Variants in SGCZ observed in about 807,000 individuals in gnomAD.
SGCZ encodes the protein sarcoglycan zeta.
SGCZ carries 40 observed loss-of-function variants against 41.3 expected under a neutral mutation model. The observed-to-expected ratio is 0.97, with a 90% CI of 0.75 to 1.26. SGCZ has a LOEUF of 1.26. Among genes scored for constraint, SGCZ ranks in the 50% most tolerant of loss-of-function variants. The pLI, the probability that SGCZ is intolerant of heterozygous loss-of-function variation, is 0.00. For synonymous variants in SGCZ, 206 were observed against 137.5 expected (o/e 1.50, Z -3.49); for missense variants, 552 against 369.8 (o/e 1.49, Z -4.04).
chr8:14,829,608 T>A (rs1265918408), intron 1 of SGCZ, among the ~76,000 whole-genome samples: 2 of 152,306 alleles, frequency 1.3e-5, no homozygotes, highest in Non-Finnish European at 2.9e-5. Context: ...TAAACTGAGA[T>A]AATTTCCAAT....
intron 4 of SGCZ, among the ~76,000 whole-genome samples, chr8:14,231,471 C>A (rs1396390713): frequency 6.6e-6 from 1 of 151,920 alleles, no homozygotes; most frequent in Non-Finnish European, 1.5e-5. Context: ...CCTCAATTGA[C>A]CAATGGCAAA....
chr8:14,203,412 G>C (rs1805519732), intron 4 of SGCZ, among the ~76,000 whole-genome samples: 1 of 152,120 alleles, frequency 6.6e-6, no homozygotes, highest in South Asian at 2.1e-4. Context: ...ATGTTTTTAT[G>C]TTTTTAATAC....
chr8:14,270,956 C>G (rs1056499119), intron 3 of SGCZ, among the ~76,000 whole-genome samples: 10 of 152,110 alleles, frequency 6.6e-5, no homozygotes, highest in African/African-American at 2.4e-4. Context: ...GACAAAAAAC[C>G]AAACACCACA....
At chr8:14,662,260 TGACA>T (rs1451284796) in intron 1 of SGCZ, among the ~76,000 whole-genome samples, 2 of 152,226 alleles carry the variant, frequency 1.3e-5, no homozygotes, top group Non-Finnish European at 2.9e-5. Context: ...ATTCTGAGGT[TGACA>T]GACTTTGGAT....
At chr8:15,122,236 T>G (rs918316011) in intron 1 of SGCZ, among the ~76,000 whole-genome samples, 15 of 151,936 alleles carry the variant, frequency 9.9e-5, no homozygotes, top group African/African-American at 3.6e-4. Flanking sequence ...TTCCAAGTAG[T>G]GAAGTCAAGA....
chr8:14,401,835 T>C (rs1401269239), intron 2 of SGCZ, among the ~76,000 whole-genome samples: 1 of 150,890 alleles, frequency 6.6e-6, no homozygotes, highest in Admixed American at 6.6e-5. Flanking sequence ...ATGGTATTTC[T>C]AGTTCTAGAT....
intron 1 of SGCZ, among the ~76,000 whole-genome samples, chr8:15,163,375 C>G (rs1257195115): frequency 6.6e-6 from 1 of 152,170 alleles, no homozygotes. Context: ...TTCAGGCTGT[C>G]TTGATTAGAA....
chr8:14,781,797 A>G (rs1439650486), intron 1 of SGCZ, among the ~76,000 whole-genome samples: 1 of 152,168 alleles, frequency 6.6e-6, no homozygotes, highest in Non-Finnish European at 1.5e-5. Flanking sequence ...TGCCTACAAC[A>G]CTTACATTAA....
At chr8:15,047,575 T>G (rs1341458603) in intron 1 of SGCZ, among the ~76,000 whole-genome samples, 3 of 151,962 alleles carry the variant, frequency 2.0e-5, no homozygotes, top group Non-Finnish European at 4.4e-5. Flanking sequence ...GAGTTTGAAT[T>G]TCCCTCAACT....
At chr8:14,384,925 C>G (rs977456993) in intron 2 of SGCZ, among the ~76,000 whole-genome samples, 3 of 152,212 alleles carry the variant, frequency 2.0e-5, no homozygotes, top group African/African-American at 7.2e-5. Flanking sequence ...GCAGTCCTAA[C>G]TGAAAATGTT....
At chr8:14,146,905 T>C (rs904978158) in intron 5 of SGCZ, among the ~76,000 whole-genome samples, 1 of 146,364 alleles carries the variant, frequency 6.8e-6, no homozygotes, top group Non-Finnish European at 1.5e-5. Context: ...ATAATAATAA[T>C]AACTACAGCA....
intron 3 of SGCZ, among the ~76,000 whole-genome samples, chr8:14,282,641 C>T (rs1800485110): frequency 6.6e-6 from 1 of 152,118 alleles, no homozygotes; most frequent in African/African-American, 2.4e-5. Flanking sequence ...CTTTCAGAAT[C>T]ACAAACTGAA....
intron 4 of SGCZ, among the ~76,000 whole-genome samples, chr8:14,227,078 C>T (rs1051199641): frequency 1.3e-5 from 2 of 151,840 alleles, no homozygotes; most frequent in African/African-American, 2.4e-5. Context: ...GCAATCAGCC[C>T]GCAAGTGAGA....
intron 1 of SGCZ, among the ~76,000 whole-genome samples, chr8:14,803,269 G>A (rs539833354): frequency 1.2e-4 from 19 of 152,250 alleles, no homozygotes; most frequent in African/African-American, 3.8e-4. Context: ...AGCTCCCAGC[G>A]TGAGCGACGC....
chr8:15,023,746 T>A (rs1016732928), intron 1 of SGCZ, among the ~76,000 whole-genome samples: 4 of 152,174 alleles, frequency 2.6e-5, no homozygotes, highest in East Asian at 1.9e-4. Flanking sequence ...CAATAGAGTA[T>A]TGAATAGTGG....
intron 1 of SGCZ, among the ~76,000 whole-genome samples, chr8:15,111,649 C>T (rs576019347): frequency 6.6e-5 from 10 of 152,128 alleles, no homozygotes; most frequent in African/African-American, 2.4e-4. Flanking sequence ...CGCCTGTAAT[C>T]GCAGCACTTT....
At chr8:14,846,025 G>T (rs895300251) in intron 1 of SGCZ, among the ~76,000 whole-genome samples, 2 of 152,026 alleles carry the variant, frequency 1.3e-5, no homozygotes, top group Non-Finnish European at 2.9e-5. Context: ...CAACCACAGG[G>T]TTTCAAATAC....
intron 1 of SGCZ, among the ~76,000 whole-genome samples, chr8:14,931,022 G>T (rs1185067881): frequency 6.6e-6 from 1 of 151,938 alleles, no homozygotes; most frequent in African/African-American, 2.4e-5. Flanking sequence ...ATTAAAAAAT[G>T]TAATTTGTTT....
At chr8:14,639,944 A>C (rs1009113957) in intron 1 of SGCZ, among the ~76,000 whole-genome samples, 11 of 151,772 alleles carry the variant, frequency 7.2e-5, no homozygotes, top group Admixed American at 5.9e-4. Context: ...TAGAAATGAC[A>C]GACAGTAGTT....
Sources: allele counts gnomAD v4.1 joint callset (sites outside exome capture counted in the v4.1 genomes callset), GRCh38; gene constraint gnomAD v4.1.1; transcripts MANE v1.5; gene names NCBI Gene and HGNC (gene_info 2026-07-23, HGNC 2026-07-21).